NCOA2: variants seen among roughly 807,000 people sequenced by gnomAD.
The protein encoded by NCOA2 is nuclear receptor coactivator 2, also known as class E basic helix-loop-helix protein 75.
A neutral mutation model predicts 145.1 loss-of-function variants in NCOA2; 21 were observed. The observed-to-expected ratio is 0.14, with a 90% CI of 0.10 to 0.21. NCOA2 has a LOEUF of 0.21. Ranked by LOEUF, NCOA2 falls within the 10% of genes least tolerant of loss-of-function variation. The probability of loss-of-function intolerance (pLI) is 1.00; values close to 1 mark genes in which losing one functional copy is unlikely to be tolerated. For synonymous variants in NCOA2, 619 were observed against 637.5 expected (o/e 0.97, Z 0.44); for missense variants, 1,472 against 1,837.6 (o/e 0.80, Z 3.64).
At chr8:70,174,670 T>C in intron 5 of NCOA2, 86 bp downstream of exon 5, 1 of 1,290,684 alleles carries the variant, frequency 7.7e-7, no homozygotes, top group South Asian at 1.2e-5. Flanking sequence ...TGGATTCTCC[T>C]TAAATTATAT....
intron 4 of NCOA2, among the ~76,000 whole-genome samples, chr8:70,205,088 A>G (rs1818298244): frequency 6.6e-6 from 1 of 152,202 alleles, no homozygotes; most frequent in Non-Finnish European, 1.5e-5. Flanking sequence ...TCAGTGGGTG[A>G]AGAGAAAGTG....
the NCOA2 span, among the ~76,000 whole-genome samples, chr8:70,451,219 A>AAAG: frequency 2.1e-5 from 1 of 46,578 alleles, no homozygotes; most frequent in Non-Finnish European, 4.1e-5. Flanking sequence ...CTCCGTCTCA[A>AAAG]AAAAAAAAAA....
intron 14 of NCOA2, among the ~76,000 whole-genome samples, chr8:70,139,621 C>G (rs1318726411): frequency 2.3e-5 from 3 of 128,622 alleles, no homozygotes; most frequent in African/African-American, 8.8e-5. Context: ...TCTACACTGT[C>G]TTGTCAAAAC....
At chr8:70,142,247 C>T (rs1330756544) in intron 13 of NCOA2, among the ~76,000 whole-genome samples, 1 of 152,204 alleles carries the variant, frequency 6.6e-6, no homozygotes, top group Non-Finnish European at 1.5e-5. Flanking sequence ...CATGAAGGTT[C>T]TGCTTTCAAA....
At chr8:70,276,327 GA>G (rs979636971) in intron 2 of NCOA2, among the ~76,000 whole-genome samples, 3 of 151,880 alleles carry the variant, frequency 2.0e-5, no homozygotes, top group Non-Finnish European at 2.9e-5. Flanking sequence ...CTCTTAGGGG[GA>G]AAAAAAGATT....
At chr8:70,295,141 A>C (rs1826995828) in intron 2 of NCOA2, among the ~76,000 whole-genome samples, 1 of 152,212 alleles carries the variant, frequency 6.6e-6, no homozygotes, top group Non-Finnish European at 1.5e-5. Flanking sequence ...TGTCATGGAC[A>C]CAAGGAAAGG....
chr8:70,427,489 A>G, the NCOA2 span, among the ~76,000 whole-genome samples: 1 of 79,394 alleles, frequency 1.3e-5, no homozygotes, highest in Non-Finnish European at 2.5e-5. Flanking sequence ...ATTTCCTCAG[A>G]TTATCTATTG....
At chr8:70,311,086 A>G (rs899662592) in intron 1 of NCOA2, among the ~76,000 whole-genome samples, 1 of 152,148 alleles carries the variant, frequency 6.6e-6, no homozygotes, top group African/African-American at 2.4e-5. Context: ...ATTCTCAGCA[A>G]TTGTCTGTTG....
chr8:70,410,462 C>T, the NCOA2 span, among the ~76,000 whole-genome samples: 1 of 152,094 alleles, frequency 6.6e-6, no homozygotes, highest in Non-Finnish European at 1.5e-5. Context: ...TCCCAAGCAG[C>T]TGGGACTACA....
At chr8:70,441,723 AAAG>A in the NCOA2 span, among the ~76,000 whole-genome samples, 1 of 151,194 alleles carries the variant, frequency 6.6e-6, no homozygotes, top group South Asian at 2.1e-4. Flanking sequence ...GAAAGGAAAG[AAAG>A]AAGAGAGAAA....
At chr8:70,399,140 G>T (rs1229113607) in intron 1 of NCOA2, among the ~76,000 whole-genome samples, 1 of 152,108 alleles carries the variant, frequency 6.6e-6, no homozygotes, top group African/African-American at 2.4e-5. Context: ...TGAATTGAAG[G>T]TCTGCAACAT....
intron 2 of NCOA2, among the ~76,000 whole-genome samples, chr8:70,276,527 T>A (rs918232527): frequency 1.3e-5 from 2 of 152,152 alleles, no homozygotes; most frequent in African/African-American, 4.8e-5. Context: ...GTAATTGAAT[T>A]GGGAGGTGGT....
chr8:70,142,956 T>G (rs993927673), intron 13 of NCOA2, among the ~76,000 whole-genome samples: 10 of 147,468 alleles, frequency 6.8e-5, no homozygotes, highest in Non-Finnish European at 1.5e-4. Context: ...TTTTTTTTGT[T>G]TTTTTTTTTT....
In NCOA2 at chr8:70,126,995, T is replaced by A; in HGVS notation, c.3734A>T (p.Gln1245Leu). The A allele has an allele frequency of 6.2e-7, 1 of 1,613,644 alleles. No individual in the cohort carries two copies. Among genetic ancestry groups the A allele is most frequent in the South Asian group, 1.1e-5 (1 of 90,924 alleles). ...LAQRQREILN[Q>L]HLRQRQMHQQ... ...ATGCATTTGTCTCTGTCGAAGATGC[T>A]GGTTCAGGATTTCCCTCTGTCTCTG... Residue 1245 changes from glutamine to leucine, a missense_variant, in exon 19 of 23, where the codon CAG becomes CTG. By Grantham distance (113) the Gln-to-Leu change is moderately radical (BLOSUM62 -2). This residue lies in a region of NCOA2 where 232 missense variants were observed against 290.6 expected (regional missense o/e 0.80). Transcript: ENST00000452400.
At chr8:70,424,456 G>T in the NCOA2 span, 1 of 502,392 alleles carries the variant, frequency 2.0e-6, no homozygotes. Context: ...TACCACATGA[G>T]CATATCTTCG....
At chr8:70,295,307 G>A (rs1233927392) in intron 2 of NCOA2, among the ~76,000 whole-genome samples, 1 of 152,174 alleles carries the variant, frequency 6.6e-6, no homozygotes, top group Non-Finnish European at 1.5e-5. Context: ...GGCAGGTAGT[G>A]GGAAAATATT....
chr8:70,113,730 C>T, intron 22 of NCOA2, 87 bp from the exon 23 acceptor site: 1 of 1,299,306 alleles, frequency 7.7e-7, no homozygotes, highest in Non-Finnish European at 1.1e-6. Context: ...CATCAAAATT[C>T]CTGACTGTTT....
chr8:70,238,162 G>GC (rs1313973558), intron 2 of NCOA2, among the ~76,000 whole-genome samples: 1 of 151,978 alleles, frequency 6.6e-6, no homozygotes, highest in Admixed American at 6.6e-5. Context: ...GCGCGCGCGC[G>GC]CGTGTGTGTG....
intron 22 of NCOA2, among the ~76,000 whole-genome samples, chr8:70,118,308 T>C (rs1253823244): frequency 6.6e-6 from 1 of 152,298 alleles, no homozygotes; most frequent in Admixed American, 6.5e-5. Flanking sequence ...ATCAGTAACA[T>C]CACTGTTCTT....
Sources: gnomAD v4.1 joint callset for allele counts (sites outside exome capture counted in the v4.1 genomes callset) on GRCh38, gnomAD v4.1.1 for gene constraint, gnomAD v4.1.1 regional missense constraint, MANE v1.5 for transcripts, NCBI Gene and HGNC (gene_info 2026-07-23, HGNC 2026-07-21) for gene names.